Variants in ALDH1A2 observed in about 807,000 individuals in gnomAD.
ALDH1A2 encodes the protein aldehyde dehydrogenase 1 family member A2.
ALDH1A2 carries 27 observed loss-of-function variants against 60.3 expected under a neutral mutation model. The observed-to-expected ratio is 0.45, with a 90% CI of 0.33 to 0.62. ALDH1A2 has a LOEUF of 0.62. Among genes scored for constraint, ALDH1A2 ranks in the 20% least tolerant of loss-of-function variants. The probability of loss-of-function intolerance (pLI) is 0.02; values close to 1 mark genes in which losing one functional copy is unlikely to be tolerated. For synonymous variants in ALDH1A2, 289 were observed against 232.4 expected (o/e 1.24, Z -2.21); for missense variants, 581 against 643.8 (o/e 0.90, Z 1.06).
chr15:58,038,935 C>T (rs111540960), intron 1 of ALDH1A2, among the ~76,000 whole-genome samples: 10 of 151,728 alleles, frequency 6.6e-5, no homozygotes, highest in Non-Finnish European at 8.8e-5. Flanking sequence ...GTTTTGAAAC[C>T]AAGCAGCTGG....
At chr15:58,002,951 G>A (rs1895323466) in intron 4 of ALDH1A2, among the ~76,000 whole-genome samples, 1 of 151,862 alleles carries the variant, frequency 6.6e-6, no homozygotes, top group South Asian at 2.1e-4. Flanking sequence ...CTCTATAAAT[G>A]CCTATACAAA....
intron 1 of ALDH1A2, chr15:58,014,655 C>T (rs1895739026): frequency 2.4e-6 from 1 of 410,770 alleles, no homozygotes; most frequent in South Asian, 1.8e-5. Flanking sequence ...TTACAGTCAT[C>T]AAGCCTTAGA....
intron 3 of ALDH1A2, among the ~76,000 whole-genome samples, chr15:58,011,430 T>C (rs1413796382): frequency 1.3e-5 from 2 of 152,192 alleles, no homozygotes; most frequent in Non-Finnish European, 2.9e-5. Context: ...ATTATAAACA[T>C]TGTTATTTTA....
intron 1 of ALDH1A2, among the ~76,000 whole-genome samples, chr15:58,045,703 G>T (rs564799486): frequency 6.6e-6 from 1 of 151,960 alleles, no homozygotes; most frequent in Non-Finnish European, 1.5e-5. Flanking sequence ...ATGAGAACAC[G>T]TGGACACAGG....
chr15:58,064,581 G>A (rs1897124016), intron 1 of ALDH1A2, among the ~76,000 whole-genome samples: 2 of 152,184 alleles, frequency 1.3e-5, no homozygotes, highest in African/African-American at 2.4e-5. Flanking sequence ...GGGAGAAGTT[G>A]AGTGTAGAAA....
chr15:57,982,756 A>G (rs967923517), intron 7 of ALDH1A2, among the ~76,000 whole-genome samples: 19 of 152,210 alleles, frequency 1.2e-4, no homozygotes, highest in Non-Finnish European at 1.3e-4. Context: ...CTGAAGTGTA[A>G]AAAGATGATT....
At chr15:57,992,885 C>G in intron 6 of ALDH1A2, 60 bp downstream of exon 6, 4 of 1,613,738 alleles carry the variant, frequency 2.5e-6, no homozygotes, top group Middle Eastern at 1.7e-4. Context: ...ATGAGATATG[C>G]TCTAGTAGGC....
chr15:58,042,879 A>C (rs1188825242), intron 1 of ALDH1A2, among the ~76,000 whole-genome samples: 1 of 152,048 alleles, frequency 6.6e-6, no homozygotes, highest in Non-Finnish European at 1.5e-5. Flanking sequence ...GAGTGACTTG[A>C]AGTCTGAAAG....
chr15:57,992,991 T>C lies in ALDH1A2; in HGVS notation c.638A>G (p.Glu213Gly), dbSNP rs375479963. 32 of 1,613,876 alleles carry C rather than the reference T, an allele frequency of 2.0e-5. No homozygotes were observed. The highest frequency in any genetic ancestry group is 2.7e-5 in the Non-Finnish European group (32 of 1,180,000). ...GTAGAGTGCACTGAGTGGTGTTTGC[T>C]CTGCTGGCTTAATAACTACTGTATT... is the stretch of plus-strand genomic sequence containing the variant. ...CGNTVVIKPA[E>G]QTPLSALYMG... is the part of the protein sequence containing the mutation. The change falls in exon 6 of 13, where the codon GAG (glutamate) becomes GGG (glycine). Residue 213 changes from glutamate (E) to glycine (G), a missense_variant. This residue lies in a region of ALDH1A2 where 375 missense variants were observed against 469.7 expected (regional missense o/e 0.80). Coordinates refer to ENST00000249750, the MANE Select transcript of ALDH1A2 (RefSeq NM_003888.4).
rs34220841 is a variant in ALDH1A2, at chr15:57,991,917, C to A, written c.798+788G>T. On this transcript the variant is annotated intron_variant, in intron 7 of 12. Coordinates refer to ENST00000249750, the MANE Select transcript of ALDH1A2 (RefSeq NM_003888.4). ...ACCTGGATCAGAGATATTTGAGTAACATTTATAAATCTTCTTAAGCTGACT... is the reference window on the plus strand; with the variant it reads ...ACCTGGATCAGAGATATTTGAGTAAAATTTATAAATCTTCTTAAGCTGACT... Among the ~76,000 whole-genome samples the A allele has an allele frequency of 4.3e-3, 658 of 152,238 alleles. 5 individuals are homozygous for A. Among genetic ancestry groups the A allele is most frequent in the Non-Finnish European group, 7.8e-3 (531 of 68,016 alleles).
intron 1 of ALDH1A2, among the ~76,000 whole-genome samples, chr15:58,022,146 C>G (rs1442702593): frequency 6.6e-6 from 1 of 152,146 alleles, no homozygotes; most frequent in Non-Finnish European, 1.5e-5. Flanking sequence ...CAGCTAGTGC[C>G]TCCTCTCACC....
At chr15:57,958,052 T>C (rs1222981764) in intron 12 of ALDH1A2, among the ~76,000 whole-genome samples, 1 of 152,104 alleles carries the variant, frequency 6.6e-6, no homozygotes, top group Non-Finnish European at 1.5e-5. Context: ...CAGTGATGTA[T>C]ACTGGAGTCA....
At chr15:58,029,463 C>T (rs1243201495) in intron 1 of ALDH1A2, among the ~76,000 whole-genome samples, 1 of 151,884 alleles carries the variant, frequency 6.6e-6, no homozygotes, top group Admixed American at 6.6e-5. Flanking sequence ...AACTCAACCC[C>T]CTAACATCAC....
intron 1 of ALDH1A2, among the ~76,000 whole-genome samples, chr15:58,053,284 G>A (rs1396097487): frequency 1.3e-5 from 2 of 152,120 alleles, no homozygotes; most frequent in Non-Finnish European, 1.5e-5. Flanking sequence ...CACTGAAAAT[G>A]ACAGCAGAAA....
intron 5 of ALDH1A2, among the ~76,000 whole-genome samples, chr15:57,993,344 T>G (rs554402692): frequency 6.6e-6 from 1 of 152,254 alleles, no homozygotes; most frequent in South Asian, 2.1e-4. Context: ...TGTTACTTCT[T>G]TGTTTTGTTT....
At chr15:58,017,238 G>A (rs1292604850) in intron 1 of ALDH1A2, among the ~76,000 whole-genome samples, 4 of 152,152 alleles carry the variant, frequency 2.6e-5, no homozygotes, top group Non-Finnish European at 5.9e-5. Flanking sequence ...GGACCATCCT[G>A]CTCTGATAAA....
chr15:58,041,035 G>A (rs142762840), intron 1 of ALDH1A2, among the ~76,000 whole-genome samples: 2,142 of 151,952 alleles, frequency 0.014, 25 homozygotes, highest in African/African-American at 0.033. Flanking sequence ...TGGTGCCCTG[G>A]AGCAACTTCC....
intron 1 of ALDH1A2, among the ~76,000 whole-genome samples, chr15:58,064,351 C>A (rs1897118459): frequency 6.6e-6 from 1 of 152,128 alleles, no homozygotes; most frequent in South Asian, 2.1e-4. Context: ...CCATCTAAAT[C>A]GACATTCAAA....
At chr15:58,055,097 T>C (rs545824411) in intron 1 of ALDH1A2, among the ~76,000 whole-genome samples, 2 of 152,212 alleles carry the variant, frequency 1.3e-5, no homozygotes, top group African/African-American at 4.8e-5. Context: ...CCAAATTGTA[T>C]TGTCTTTGTA....
Sources: gnomAD v4.1 joint callset for allele counts (sites outside exome capture counted in the v4.1 genomes callset) on GRCh38, gnomAD v4.1.1 for gene constraint, gnomAD v4.1.1 regional missense constraint, MANE v1.5 for transcripts, NCBI Gene and HGNC (gene_info 2026-07-23, HGNC 2026-07-21) for gene names.